The following TUB variants were observed in gnomAD, a reference collection of about 807,000 sequenced individuals.
TUB encodes tubby protein homolog.
TUB carries 33 observed loss-of-function variants against 59.7 expected under a neutral mutation model. That is an observed-to-expected ratio of 0.55 (90% CI 0.42 to 0.74). The LOEUF (loss-of-function observed/expected upper bound fraction) is 0.74, where lower values mean the gene tolerates loss of function less well. Among genes scored for constraint, TUB ranks in the 30% least tolerant of loss-of-function variants. The pLI is 0.00. For missense variants in TUB, 659 were observed against 672.0 expected (o/e 0.98, Z 0.21); for synonymous variants, 293 against 256.4 (o/e 1.14, Z -1.36).
At chr11:8,054,764 C>T (rs1387908134) in intron 2 of TUB, among the ~76,000 whole-genome samples, 2 of 152,168 alleles carry the variant, frequency 1.3e-5, no homozygotes, top group Non-Finnish European at 2.9e-5. Context: ...GTGTACTGTA[C>T]CTGTGTTCAT....
At chr11:8,098,673 G>T in intron 8 of TUB, 85 bp from the exon 9 acceptor site, 1 of 983,390 alleles carries the variant, frequency 1.0e-6, no homozygotes. Context: ...ATGTTTTGCA[G>T]GCTCCTCATA....
chr11:8,064,700 G>A (rs1943203290), intron 2 of TUB, among the ~76,000 whole-genome samples: 1 of 152,166 alleles, frequency 6.6e-6, no homozygotes, highest in African/African-American at 2.4e-5. Context: ...TGAGGGTCAG[G>A]GGCATGAAAC....
rs189662509 is a variant in TUB, at chr11:8,028,460, C to A, written c.56+9102C>A. ...TGATGAAGTCCAATTTGTCTTTTTTCTGTTGGTTATGCTTATAGTGTCATA... is the reference window on the plus strand; with the variant it reads ...TGATGAAGTCCAATTTGTCTTTTTTATGTTGGTTATGCTTATAGTGTCATA... On this transcript the variant is annotated intron_variant, in intron 1 of 11. Coordinates refer to the TUB transcript ENST00000534099. Among the ~76,000 whole-genome samples the A allele has an allele frequency of 7.2e-5, 11 of 152,192 alleles. No individual in the cohort carries two copies. In the East Asian group the frequency reaches 2.1e-3, roughly 29 times the overall value.
intron 2 of TUB, among the ~76,000 whole-genome samples, chr11:8,059,411 A>G (rs891310072): frequency 3.9e-5 from 6 of 152,188 alleles, no homozygotes; most frequent in African/African-American, 1.4e-4. Flanking sequence ...GGAGCTGCTC[A>G]GCGGAACAGT....
At chr11:8,048,546 A>C (rs1942875912) in intron 2 of TUB, among the ~76,000 whole-genome samples, 1 of 151,982 alleles carries the variant, frequency 6.6e-6, no homozygotes, top group Non-Finnish European at 1.5e-5. Context: ...GAACTGTAGG[A>C]ATATGCTGCC....
rs77714778 is a variant in TUB at position 8,024,517 on chromosome 11, G to T, written c.56+5159G>T. On this transcript the variant is annotated intron_variant, in intron 1 of 11. Coordinates refer to the TUB transcript ENST00000534099. The stretch of plus-strand genomic sequence containing the variant: ...AAATGGCCCTGCCTCCTGCTCCTTG[G>T]AGAAAAATTGATCACATCAGGCATC... 4.8e-4 allele frequency among the ~76,000 whole-genome samples: 73 copies of T among 152,124 alleles called. 1 individual carries two copies. The East Asian group carries it at 0.013, about 28-fold the overall frequency.
chr11:8,048,245 T>A (rs1194411803), intron 2 of TUB, among the ~76,000 whole-genome samples: 2 of 152,156 alleles, frequency 1.3e-5, no homozygotes, highest in Non-Finnish European at 2.9e-5. Flanking sequence ...CACATAGTGG[T>A]TAAGTAAATT....
intron 1 of TUB, among the ~76,000 whole-genome samples, chr11:8,031,629 G>A (rs1469676450): frequency 6.6e-6 from 1 of 152,236 alleles, no homozygotes; most frequent in Non-Finnish European, 1.5e-5. Flanking sequence ...TGTTGGATGA[G>A]CCTGCACCTC....
intron 1 of TUB, among the ~76,000 whole-genome samples, chr11:8,087,868 C>T (rs4623938): frequency 0.079 from 12,003 of 152,262 alleles, 1,003 homozygotes; most frequent in African/African-American, 0.21. Context: ...TGCAGTCCTC[C>T]AGCCTGGGTG....
intron 1 of TUB, chr11:8,039,073 G>T (rs1942696859): frequency 1.3e-6 from 2 of 1,597,708 alleles, no homozygotes; most frequent in East Asian, 4.5e-5. Flanking sequence ...CCCAACCATT[G>T]CGTCAGCTCC....
intron 2 of TUB, among the ~76,000 whole-genome samples, chr11:8,074,871 C>G (rs1380506946): frequency 6.7e-6 from 1 of 148,872 alleles, no homozygotes; most frequent in African/African-American, 2.5e-5. Context: ...CTCAGCCTCC[C>G]AAGTAGCTGG....
chr11:8,029,412 A>G (rs1942540850), intron 1 of TUB, among the ~76,000 whole-genome samples: 2 of 135,066 alleles, frequency 1.5e-5, no homozygotes, highest in African/African-American at 5.8e-5. Flanking sequence ...TTTTTGAGAC[A>G]GAGTCTCGCT....
At chr11:8,099,929 C>T (rs143997711) in intron 9 of TUB, among the ~76,000 whole-genome samples, 14 of 152,304 alleles carry the variant, frequency 9.2e-5, no homozygotes, top group East Asian at 3.9e-4. Flanking sequence ...CATGGGGCCA[C>T]GTGCAGGTGA....
At chr11:8,091,280 G>C (rs1381466466) in intron 3 of TUB, among the ~76,000 whole-genome samples, 2 of 152,160 alleles carry the variant, frequency 1.3e-5, no homozygotes, top group African/African-American at 4.8e-5. Context: ...GGTCTCACTT[G>C]CCTGGTGCCC....
Position 8,102,016 on chromosome 11 carries a change from G to A in TUB, c.*397G>A, listed in dbSNP as rs1944329037. On this transcript the variant is annotated 3_prime_UTR_variant, in exon 12 of 12. Coordinates refer to ENST00000299506, the MANE Select transcript of TUB (RefSeq NM_177972.3). The stretch of plus-strand genomic sequence containing the variant: ...TGGCCCAGTCGTCCGCTCAGCCAAG[G>A]AGTCAGATGGCAATGGGTACTCCAG... 4.8e-6 allele frequency: 1 copy of A among 210,008 alleles called. No homozygotes were observed. Among genetic ancestry groups the A allele is most frequent in the Non-Finnish European group, 9.6e-6 (1 of 104,444 alleles). The allele number at this position is 210,008 out of a possible 1,614,324, so 13.0% of individuals were successfully genotyped here.
intron 11 of TUB, 117 bp from the exon 12 acceptor site, chr11:8,101,369 G>A (rs1322290934): frequency 6.1e-6 from 8 of 1,312,908 alleles, no homozygotes; most frequent in African/African-American, 1.5e-5. Context: ...GATTCCCCTG[G>A]CATCTCTGCT....
intron 1 of TUB, among the ~76,000 whole-genome samples, chr11:8,083,599 A>G (rs1331477139): frequency 4.0e-5 from 6 of 150,256 alleles, no homozygotes; most frequent in African/African-American, 1.5e-4. Context: ...TCCAACTACT[A>G]TCTCCCCTCC....
In TUB at chr11:8,049,561, G is replaced by T. The variant is rs910920885; in HGVS notation, c.203+9869G>T. On this transcript the variant is annotated intron_variant, in intron 2 of 12. Coordinates refer to the TUB transcript ENST00000305253. ...TTTAGAACCATGGTGGTATTATGTG[G>T]TATATATATATATATATATAGATAG... Among the ~76,000 whole-genome samples, 7 of 124,282 alleles carry T rather than the reference G, an allele frequency of 5.6e-5. No individual in the cohort carries two copies. The South Asian group carries it at 1.6e-3, about 29-fold the overall frequency. The allele number at this position is 124,282 out of a possible 152,430, so 81.5% of individuals were successfully genotyped here.
chr11:8,098,712 G>C, intron 8 of TUB, 46 bp from the exon 9 acceptor site: 1 of 1,426,730 alleles, frequency 7.0e-7, no homozygotes, highest in African/African-American at 1.4e-5. Flanking sequence ...TCCCTGCTCT[G>C]GGGCAGAGGG....
Sources: gnomAD v4.1 joint callset for allele counts (sites outside exome capture counted in the v4.1 genomes callset) on GRCh38, gnomAD v4.1.1 for gene constraint, MANE v1.5 for transcripts, NCBI Gene and HGNC (gene_info 2026-07-23, HGNC 2026-07-21) for gene names.